Variants in ERC2 observed in about 807,000 individuals in gnomAD.
ERC2 encodes the protein ERC protein 2.
In ERC2, 42 loss-of-function variants were observed where a neutral mutation model predicts 114.8. The ratio of observed to expected loss-of-function variants is 0.37; its 90% CI spans 0.29 to 0.47. ERC2 has a LOEUF of 0.47. Among genes scored for constraint, ERC2 ranks in the 20% least tolerant of loss-of-function variants. The pLI is 0.99. For missense variants in ERC2, 939 were observed against 1,150.7 expected (o/e 0.82, Z 2.66); for synonymous variants, 454 against 425.5 (o/e 1.07, Z -0.82).
intron 10 of ERC2, among the ~76,000 whole-genome samples, chr3:55,996,209 G>C (rs1013823530): frequency 6.6e-6 from 1 of 152,158 alleles, no homozygotes; most frequent in Non-Finnish European, 1.5e-5. Flanking sequence ...GGGAAGGCTT[G>C]CCCTTTCTAT....
intron 17 of ERC2, chr3:55,658,185 T>C: frequency 6.6e-6 from 1 of 152,318 alleles, no homozygotes; most frequent in Non-Finnish European, 1.5e-5. Context: ...TGTCTCTGCC[T>C]CTCTCTCCAT....
intron 17 of ERC2, among the ~76,000 whole-genome samples, chr3:55,673,173 A>G (rs1576059493): frequency 2.6e-5 from 4 of 152,136 alleles, no homozygotes; most frequent in Admixed American, 2.6e-4. Context: ...AATTGTACTG[A>G]GCCCAAATCA....
rs374604779 is a variant in ERC2, at chr3:56,035,565, C to T, written c.1642-16534G>A. 2.6e-5 allele frequency among the ~76,000 whole-genome samples: 4 copies of T among 152,248 alleles called. No homozygotes were observed. In the South Asian group the frequency reaches 8.3e-4, roughly 32 times the overall value. On this transcript the variant is annotated intron_variant, in intron 7 of 17. Transcript: ENST00000288221. ...ATGTTTAAGTCATGAAGGTTCTGCC[C>T]TTATGAATGGATTAACGCCATTATA... is the stretch of plus-strand genomic sequence containing the variant.
At chr3:56,207,729 C>G (rs890717880) in intron 3 of ERC2, among the ~76,000 whole-genome samples, 4 of 152,152 alleles carry the variant, frequency 2.6e-5, no homozygotes, top group African/African-American at 9.7e-5. Flanking sequence ...CATGCAACCT[C>G]TTCACCATGA....
chr3:55,985,877 C>A (rs6445762), intron 12 of ERC2, 100 bp downstream of exon 12: 751,339 of 1,095,926 alleles, frequency 0.69, 258,791 homozygotes, highest in East Asian at 0.85. Context: ...TGCAGTGGCC[C>A]GAGGAAAACC....
chr3:55,794,953 TC>T (rs1285893542), intron 14 of ERC2, among the ~76,000 whole-genome samples: 1 of 152,208 alleles, frequency 6.6e-6, no homozygotes, highest in Non-Finnish European at 1.5e-5. Flanking sequence ...TTCAATGTTT[TC>T]TTTTTTCTTA....
At chr3:56,156,090 C>T (rs1163712760) in intron 4 of ERC2, among the ~76,000 whole-genome samples, 2 of 152,122 alleles carry the variant, frequency 1.3e-5, no homozygotes, top group African/African-American at 2.4e-5. Flanking sequence ...AATTTGAAAA[C>T]TGTGGAGACG....
chr3:55,801,680 A>G lies in ERC2; in HGVS notation c.2565-66762T>C, dbSNP rs1416670901. ...AGGTTCTCGAAGTGAGCACAGGAGCATCACCTGGAAGTAGGACTGGCTATA... is the reference window on the plus strand; with the variant it reads ...AGGTTCTCGAAGTGAGCACAGGAGCGTCACCTGGAAGTAGGACTGGCTATA... On this transcript the variant is annotated intron_variant, in intron 14 of 17. Transcript: ENST00000288221. Among the ~76,000 whole-genome samples the G allele has an allele frequency of 2.6e-5, 4 of 152,268 alleles. No individual in the cohort carries two copies. The East Asian group carries it at 7.7e-4, about 29-fold the overall frequency.
At chr3:55,573,174 T>C (rs901491883) in intron 17 of ERC2, among the ~76,000 whole-genome samples, 2 of 152,212 alleles carry the variant, frequency 1.3e-5, no homozygotes, top group African/African-American at 4.8e-5. Context: ...AAGATGTCGG[T>C]AAGAAATGGG....
intron 12 of ERC2, among the ~76,000 whole-genome samples, chr3:55,967,696 A>C (rs755228396): frequency 7.2e-5 from 11 of 152,152 alleles, no homozygotes; most frequent in Non-Finnish European, 1.3e-4. Flanking sequence ...TTGATCGCCT[A>C]TGCAGCAATG....
At chr3:55,584,873 G>A (rs1372854761) in intron 17 of ERC2, among the ~76,000 whole-genome samples, 1 of 152,186 alleles carries the variant, frequency 6.6e-6, no homozygotes, top group Non-Finnish European at 1.5e-5. Flanking sequence ...ATATCCAAGC[G>A]CATGGCTTGT....
intron 14 of ERC2, among the ~76,000 whole-genome samples, chr3:55,844,802 T>TA (rs890195669): frequency 2.6e-5 from 4 of 152,186 alleles, no homozygotes; most frequent in Admixed American, 2.0e-4. Flanking sequence ...ACATTTACAC[T>TA]AAAAAATACT....
At chr3:56,065,123 A>G (rs1236787473) in intron 7 of ERC2, among the ~76,000 whole-genome samples, 3 of 152,210 alleles carry the variant, frequency 2.0e-5, no homozygotes, top group East Asian at 3.8e-4. Context: ...AAATACTACA[A>G]TCTGAAAGCT....
At chr3:56,430,542 C>T (rs957766144) in intron 2 of ERC2, among the ~76,000 whole-genome samples, 1 of 152,172 alleles carries the variant, frequency 6.6e-6, no homozygotes, top group Non-Finnish European at 1.5e-5. Context: ...TAACACTGCA[C>T]TTTGGGAGGC....
chr3:55,735,292 G>A (rs763788634), intron 14 of ERC2, among the ~76,000 whole-genome samples: 35 of 152,162 alleles, frequency 2.3e-4, no homozygotes, highest in Non-Finnish European at 4.4e-4. Flanking sequence ...ACAAAGTAAT[G>A]TCTGAGACTG....
chr3:55,846,786 G>C (rs1035353922), intron 14 of ERC2, among the ~76,000 whole-genome samples: 1 of 151,894 alleles, frequency 6.6e-6, no homozygotes, highest in Non-Finnish European at 1.5e-5. Context: ...ATTTCAGAGA[G>C]ATGTCAGGTT....
intron 14 of ERC2, among the ~76,000 whole-genome samples, chr3:55,823,075 T>C (rs1325140231): frequency 6.6e-6 from 1 of 152,194 alleles, no homozygotes; most frequent in Non-Finnish European, 1.5e-5. Context: ...TTAAAAGACA[T>C]GAAGGAGTCA....
intron 17 of ERC2, among the ~76,000 whole-genome samples, chr3:55,550,746 G>C (rs182944810): frequency 1.3e-5 from 2 of 152,294 alleles, no homozygotes; most frequent in African/African-American, 2.4e-5. Context: ...GCCGGGCGCA[G>C]TGGCTCACGC....
chr3:56,296,833 T>C (rs972103587), intron 2 of ERC2, among the ~76,000 whole-genome samples: 11 of 152,224 alleles, frequency 7.2e-5, no homozygotes, highest in African/African-American at 2.7e-4. Flanking sequence ...GTATTCTTTA[T>C]TGTACTATCC....
Sources: allele counts gnomAD v4.1 joint callset (sites outside exome capture counted in the v4.1 genomes callset), GRCh38; gene constraint gnomAD v4.1.1; transcripts MANE v1.5; gene names NCBI Gene and HGNC (gene_info 2026-07-23, HGNC 2026-07-21).